The following ACACA variants were observed in gnomAD, a reference collection of about 807,000 sequenced individuals.
ACACA encodes the protein acetyl-CoA carboxylase 1.
In ACACA, 103 loss-of-function variants were observed where a neutral mutation model predicts 296.1. The observed-to-expected ratio is 0.35, with a 90% CI of 0.30 to 0.41. The LOEUF (loss-of-function observed/expected upper bound fraction) is 0.41. Among genes scored for constraint, ACACA ranks in the 10% least tolerant of loss-of-function variants. ACACA has a pLI of 1.00. For missense variants in ACACA, 1,554 were observed against 2,989.7 expected (o/e 0.52, Z 11.20); for synonymous variants, 953 against 1,038.6 (o/e 0.92, Z 1.58).
intron 29 of ACACA, among the ~76,000 whole-genome samples, chr17:37,217,130 G>A (rs1290143788): frequency 6.6e-6 from 1 of 151,668 alleles, no homozygotes; most frequent in Non-Finnish European, 1.5e-5. Flanking sequence ...GTGTGGTGGT[G>A]TACGCCTGTA....
intron 1 of ACACA, among the ~76,000 whole-genome samples, chr17:37,358,732 C>A (rs2049263313): frequency 6.6e-6 from 1 of 152,132 alleles, no homozygotes; most frequent in South Asian, 2.1e-4. Flanking sequence ...CTAGAGGAGC[C>A]CTGAACTGTA....
chr17:37,155,460 A>G (rs2076203581), intron 43 of ACACA, among the ~76,000 whole-genome samples: 1 of 152,102 alleles, frequency 6.6e-6, no homozygotes, highest in Non-Finnish European at 1.5e-5. Context: ...TACATGTTTC[A>G]GTTTTTCTAA....
intron 45 of ACACA, among the ~76,000 whole-genome samples, chr17:37,142,833 A>G (rs751229189): frequency 6.6e-6 from 1 of 152,222 alleles, no homozygotes; most frequent in Non-Finnish European, 1.5e-5. Context: ...TCAATACATG[A>G]ATGTACTGCC....
chr17:37,243,855 A>G (rs2080546743), intron 21 of ACACA, among the ~76,000 whole-genome samples: 2 of 152,280 alleles, frequency 1.3e-5, no homozygotes, highest in Middle Eastern at 3.4e-3. Context: ...ATTCACTATC[A>G]TATACTACTT....
chr17:37,287,317 GTCTT>G (rs1473196271), intron 3 of ACACA, among the ~76,000 whole-genome samples: 2 of 152,144 alleles, frequency 1.3e-5, no homozygotes, highest in Non-Finnish European at 2.9e-5. Flanking sequence ...AATAAGACCA[GTCTT>G]TCTTTCTTCT....
intron 48 of ACACA, among the ~76,000 whole-genome samples, chr17:37,124,294 A>G (rs1010034575): frequency 1.3e-5 from 2 of 152,234 alleles, no homozygotes; most frequent in Non-Finnish European, 2.9e-5. Flanking sequence ...GCAATAAACA[A>G]TGACAGAGCT....
At chr17:37,134,883 G>A (rs1228485621) in intron 45 of ACACA, among the ~76,000 whole-genome samples, 1 of 152,166 alleles carries the variant, frequency 6.6e-6, no homozygotes, top group Non-Finnish European at 1.5e-5. Context: ...GTCACTCTGG[G>A]ATCTGTCAGG....
rs765179538 is a variant in ACACA, at chr17:37,129,505, G to C, written c.5824-20C>G. ...CACGCTCTAAAAGGAGATTGGAAGA[G>C]AGCACAGCAATCAGTGAACGACAGC... On this transcript the variant is annotated intron_variant, in intron 46 of 55. Coordinates refer to ENST00000616317, the MANE Select transcript of ACACA (RefSeq NM_198834.3). 3.7e-6 allele frequency: 6 copies of C among 1,613,594 alleles called. No individual in the cohort carries two copies. In the Admixed American group the frequency reaches 5.0e-5, roughly 13 times the overall value.
At chr17:37,221,402 G>A (rs2079283910) in intron 29 of ACACA, 1 of 378,658 alleles carries the variant, frequency 2.6e-6, no homozygotes, top group African/African-American at 2.1e-5. Flanking sequence ...GTTAAAAAGA[G>A]TGATTTTTCT....
At chr17:37,246,375 C>G (rs994090309) in intron 19 of ACACA, among the ~76,000 whole-genome samples, 5 of 152,116 alleles carry the variant, frequency 3.3e-5, no homozygotes, top group Non-Finnish European at 7.4e-5. Flanking sequence ...TCTAATTAAG[C>G]CAACTGATGT....
chr17:37,199,621 T>C (rs2078157801), intron 35 of ACACA, among the ~76,000 whole-genome samples: 1 of 152,162 alleles, frequency 6.6e-6, no homozygotes, highest in Non-Finnish European at 1.5e-5. Context: ...GCATTTTAAA[T>C]AATAAATCAT....
At chr17:37,236,177 C>T (rs189667821) in intron 24 of ACACA, among the ~76,000 whole-genome samples, 1 of 152,112 alleles carries the variant, frequency 6.6e-6, no homozygotes, top group Non-Finnish European at 1.5e-5. Flanking sequence ...TGTAACCAGG[C>T]TTTTAATTAT....
intron 1 of ACACA, among the ~76,000 whole-genome samples, chr17:37,351,709 T>A (rs2048909853): frequency 6.6e-6 from 1 of 152,118 alleles, no homozygotes; most frequent in Non-Finnish European, 1.5e-5. Context: ...AAAGTTATCC[T>A]CTCTTCCAAA....
chr17:37,374,160 A>G (rs1249856680), intron 1 of ACACA, among the ~76,000 whole-genome samples: 1 of 152,138 alleles, frequency 6.6e-6, no homozygotes, highest in Non-Finnish European at 1.5e-5. Flanking sequence ...GGAGTTTGAG[A>G]CCAACCTGGG....
intron 12 of ACACA, among the ~76,000 whole-genome samples, chr17:37,258,644 C>T (rs985397187): frequency 5.3e-5 from 8 of 152,254 alleles, no homozygotes; most frequent in Admixed American, 2.6e-4. Context: ...TTCTCCATCA[C>T]GTAATAAGAA....
At chr17:37,394,208 T>A (rs1021252760) in intron 1 of ACACA, among the ~76,000 whole-genome samples, 2 of 151,786 alleles carry the variant, frequency 1.3e-5, no homozygotes, top group African/African-American at 4.9e-5. Flanking sequence ...CTGTTTCTTT[T>A]CTTTTTCTTT....
At chr17:37,187,306 T>G (rs1474297466) in intron 39 of ACACA, among the ~76,000 whole-genome samples, 1 of 152,218 alleles carries the variant, frequency 6.6e-6, no homozygotes. Flanking sequence ...TATATTTTCC[T>G]GACTCTATTC....
chr17:37,379,488 A>C, intron 1 of ACACA: 1 of 1,363,344 alleles, frequency 7.3e-7, no homozygotes, highest in Non-Finnish European at 9.9e-7. Flanking sequence ...TGAATTATCC[A>C]CTTTTTGATG....
At chr17:37,393,515 T>C (rs1281455978) in intron 1 of ACACA, among the ~76,000 whole-genome samples, 1 of 152,026 alleles carries the variant, frequency 6.6e-6, no homozygotes, top group Non-Finnish European at 1.5e-5. Context: ...ATAAAACCTA[T>C]GGCAAAATCT....
Sources: allele counts gnomAD v4.1 joint callset (sites outside exome capture counted in the v4.1 genomes callset), GRCh38; gene constraint gnomAD v4.1.1; transcripts MANE v1.5; gene names NCBI Gene and HGNC (gene_info 2026-07-23, HGNC 2026-07-21).